EDN1: variants seen among roughly 807,000 people sequenced by gnomAD.
EDN1 encodes the protein endothelin-1.
EDN1 carries 11 observed loss-of-function variants against 21.7 expected under a neutral mutation model. The ratio of observed to expected loss-of-function variants is 0.51; its 90% CI spans 0.32 to 0.84. EDN1 has a LOEUF of 0.84. Among genes scored for constraint, EDN1 ranks in the 40% least tolerant of loss-of-function variants. The pLI is 0.03. For missense variants in EDN1, 244 were observed against 262.3 expected (o/e 0.93, Z 0.48); for synonymous variants, 85 against 90.6 (o/e 0.94, Z 0.35).
chr6:12,291,402 G>A (rs1313956585), intron 1 of EDN1, among the ~76,000 whole-genome samples: 5 of 152,156 alleles, frequency 3.3e-5, no homozygotes, highest in African/African-American at 9.7e-5. Flanking sequence ...CTTGGCTGCC[G>A]AAGGATTTAG....
chr6:12,262,291 C>G, the EDN1 span, among the ~76,000 whole-genome samples: 4 of 152,104 alleles, frequency 2.6e-5, no homozygotes, highest in Admixed American at 6.6e-5. Flanking sequence ...CAACAAAAGA[C>G]AGAAAATGCA....
chr6:12,243,895 T>C, the EDN1 span, among the ~76,000 whole-genome samples: 2 of 152,206 alleles, frequency 1.3e-5, no homozygotes, highest in Non-Finnish European at 2.9e-5. Flanking sequence ...TATACAAATA[T>C]TCTTTTTTTA....
chr6:12,268,912 G>A, the EDN1 span, among the ~76,000 whole-genome samples: 2 of 152,054 alleles, frequency 1.3e-5, no homozygotes, highest in Non-Finnish European at 2.9e-5. Flanking sequence ...ATCTATAGAT[G>A]ACTTTGAGTA....
the EDN1 span, among the ~76,000 whole-genome samples, chr6:12,264,757 A>G: frequency 3.9e-5 from 6 of 152,232 alleles, no homozygotes; most frequent in African/African-American, 1.2e-4. Context: ...AAGGCGTGGC[A>G]TGAAGATATT....
At chr6:12,286,079 A>G (rs942502688), upstream of EDN1, among the ~76,000 whole-genome samples, 1 of 152,258 alleles carries the variant, frequency 6.6e-6, no homozygotes, top group African/African-American at 2.4e-5. Flanking sequence ...GTCAGTTAAA[A>G]GGAAAATATT....
In EDN1 at chr6:12,294,020, C is replaced by T. The variant is rs369379949; in HGVS notation, c.313C>T (p.Arg105Cys). The T allele has an allele frequency of 9.3e-6, 15 of 1,614,070 alleles. No individual in the cohort carries two copies. Among genetic ancestry groups the T allele is most frequent in the East Asian group, 8.9e-5 (4 of 44,892 alleles). Residue 105 changes from arginine (R) to cysteine (C), a missense_variant, in exon 3 of 5, where the codon CGT becomes TGT. Transcript: ENST00000379375. ...TTTACTTCCCACAAAGGCAACAGAC[C>T]GTGAAAATAGATGCCAATGTGCTAG... is the stretch of plus-strand genomic sequence containing the variant. ...ENLLPTKATDRENRCQCASQK... is the reference protein window; with the variant it reads ...ENLLPTKATDCENRCQCASQK...
chr6:12,256,382 A>T, the EDN1 span, among the ~76,000 whole-genome samples: 1 of 150,870 alleles, frequency 6.6e-6, no homozygotes, highest in South Asian at 2.1e-4. Context: ...CAAACAAAAG[A>T]CCCCCCGCCC....
the EDN1 span, among the ~76,000 whole-genome samples, chr6:12,274,344 A>T: frequency 1.3e-4 from 20 of 152,238 alleles, no homozygotes; most frequent in Non-Finnish European, 2.8e-4. Flanking sequence ...ACAGAGATCA[A>T]TTCTAAGAGT....
the EDN1 span, among the ~76,000 whole-genome samples, chr6:12,273,061 T>G: frequency 1.3e-5 from 2 of 150,568 alleles, no homozygotes; most frequent in Non-Finnish European, 2.9e-5. Context: ...CTAAGTAAAT[T>G]GTGACGACTC....
chr6:12,292,377 A>AC lies in EDN1; in HGVS notation c.102dup (p.Gly35ArgfsTer27). ...GCTGAGCTCAGCGCGGTGGGTGAGA[A>AC]CGGCGGGGAGAAACCCACTCCCAGT... On this transcript the variant is annotated frameshift_variant, in exon 2 of 5. Transcript: ENST00000379375. LOFTEE classifies it high-confidence loss of function. The AC allele has an allele frequency of 6.2e-7, 1 of 1,613,738 alleles. No individual in the cohort carries two copies. Among genetic ancestry groups the AC allele is most frequent in the Non-Finnish European group, 8.5e-7 (1 of 1,180,010 alleles).
chr6:12,258,448 T>TAAAAAAAAAAAAAA, the EDN1 span, among the ~76,000 whole-genome samples: 2 of 27,736 alleles, frequency 7.2e-5, no homozygotes, highest in African/African-American at 1.4e-4. Context: ...AGATCATGTC[T>TAAAAAAAAAAAAAA]CAAAAAAAAA....
At position 12,290,641 on chromosome 6, in the gene EDN1, G is replaced by A; in HGVS notation, c.12G>A (p.Leu4=). 6.2e-7 allele frequency: 1 copy of A among 1,614,126 alleles called. No individual in the cohort carries two copies. The highest frequency in any genetic ancestry group is 8.5e-7 in the Non-Finnish European group (1 of 1,179,996). Residue 4 remains leucine (L), a synonymous_variant, in exon 1 of 5, where the codon TTG becomes TTA. Transcript: ENST00000379375. MDY[L]LMIFSLLFVA... is the part of the protein sequence containing the mutation. ...CCCTTTTTTTCAGAATGGATTATTT[G>A]CTCATGATTTTCTCTCTGCTGTTTG...
the EDN1 span, among the ~76,000 whole-genome samples, chr6:12,264,361 T>C: frequency 1.3e-5 from 2 of 152,206 alleles, no homozygotes; most frequent in African/African-American, 4.8e-5. Flanking sequence ...AAAGTAGGTA[T>C]GGAAAAGTGG....
the EDN1 span, among the ~76,000 whole-genome samples, chr6:12,275,359 C>T: frequency 2.0e-5 from 3 of 152,096 alleles, no homozygotes; most frequent in African/African-American, 7.2e-5. Context: ...AGAATCTTTG[C>T]CTGAATTCTT....
the EDN1 span, among the ~76,000 whole-genome samples, chr6:12,285,001 T>C: frequency 6.6e-6 from 1 of 152,118 alleles, no homozygotes; most frequent in East Asian, 1.9e-4. Flanking sequence ...ACTCATGACA[T>C]AGAATGAACA....
the EDN1 span, among the ~76,000 whole-genome samples, chr6:12,256,523 T>G: frequency 6.6e-6 from 1 of 152,006 alleles, no homozygotes; most frequent in African/African-American, 2.4e-5. Context: ...AGGCCTGGGG[T>G]CCCTTTGCTG....
At chr6:12,258,243 G>C in the EDN1 span, among the ~76,000 whole-genome samples, 170 of 151,140 alleles carry the variant, frequency 1.1e-3, 1 homozygote, top group Non-Finnish European at 2.1e-3. Context: ...TCTGAGGCCA[G>C]GAGTTCGAGA....
At chr6:12,251,062 C>T in the EDN1 span, among the ~76,000 whole-genome samples, 1 of 152,128 alleles carries the variant, frequency 6.6e-6, no homozygotes, top group African/African-American at 2.4e-5. Context: ...AAATAAAGGA[C>T]TATTAGAGGA....
chr6:12,296,056 G>T lies in EDN1; in HGVS notation c.628G>T (p.Ala210Ser). 1 of 1,613,990 alleles carries T rather than the reference G, an allele frequency of 6.2e-7. No individual in the cohort carries two copies. Among genetic ancestry groups the T allele is most frequent in the Non-Finnish European group, 8.5e-7 (1 of 1,179,924 alleles). Residue 210 changes from alanine (A) to serine (S), a missense_variant, in exon 5 of 5, where the codon GCA (alanine) becomes TCA (serine). Coordinates refer to ENST00000379375, the MANE Select transcript of EDN1 (RefSeq NM_001955.5). Reference sequence around the variant, plus strand: ...AGAGCGTTATGTGACCCACAACCGAGCACATTGGTGACAGACCTTCGGGGC... The same window carrying T: ...AGAGCGTTATGTGACCCACAACCGATCACATTGGTGACAGACCTTCGGGGC... Reference protein sequence around the residue: ...SRERYVTHNRAHW With the variant: ...SRERYVTHNRSHW
Sources: gnomAD v4.1 joint callset for allele counts (sites outside exome capture counted in the v4.1 genomes callset) on GRCh38, gnomAD v4.1.1 for gene constraint, MANE v1.5 for transcripts, NCBI Gene and HGNC (gene_info 2026-07-23, HGNC 2026-07-21) for gene names.